The following SORBS3 variants were observed in gnomAD, a reference collection of about 807,000 sequenced individuals.
SORBS3 encodes vinexin.
In SORBS3, 69 loss-of-function variants were observed where a neutral mutation model predicts 98.0. That is an observed-to-expected ratio of 0.70 (90% CI 0.58 to 0.86). The LOEUF (loss-of-function observed/expected upper bound fraction) is 0.86. Ranked by LOEUF, SORBS3 falls within the 40% of genes least tolerant of loss-of-function variation. The probability of loss-of-function intolerance (pLI) is 0.00; values close to 1 mark genes in which losing one functional copy is unlikely to be tolerated. For synonymous variants in SORBS3, 394 were observed against 355.4 expected, an observed-to-expected ratio of 1.11 and a Z score of -1.22; for missense variants, 954 against 908.5, an observed-to-expected ratio of 1.05 and a Z score of -0.64.
chr8:22,562,734 C>G (rs1159539794), intron 7 of SORBS3, among the ~76,000 whole-genome samples: 1 of 152,128 alleles, frequency 6.6e-6, no homozygotes, highest in African/African-American at 2.4e-5. Flanking sequence ...GTGGTAATGC[C>G]CAGAGGGTTC....
At position 22,556,709 on chromosome 8, in the gene SORBS3, C is replaced by T. The variant is rs1447380786; in HGVS notation, c.221-6C>T. ...TCACTAATGCTCTCCTGCACGCACC[C>T]AACAGACCCTGCGTGGTATCAGACC... On this transcript the variant is annotated splice_polypyrimidine_tract_variant and splice_region_variant and intron_variant, in intron 3 of 20. Coordinates refer to ENST00000240123, the MANE Select transcript of SORBS3 (RefSeq NM_005775.5). The T allele has an allele frequency of 2.5e-6, 4 of 1,613,616 alleles. No homozygotes were observed. The South Asian group carries it at 4.4e-5, about 18-fold the overall frequency.
In SORBS3 at chr8:22,564,364, C is replaced by A. The variant is rs1840359662; in HGVS notation, c.757C>A (p.Gln253Lys). 3 of 1,614,000 alleles carry A rather than the reference C, an allele frequency of 1.9e-6. No individual in the cohort carries two copies. Among genetic ancestry groups the A allele is most frequent in the South Asian group, 2.2e-5 (2 of 91,076 alleles). Residue 253 changes from glutamine to lysine, a missense_variant, in exon 9 of 21, where the codon CAG becomes AAG. By Grantham distance (53) the Gln-to-Lys change is moderately conservative (BLOSUM62 1). Transcript: ENST00000240123. ...NQFLQELETG[Q>K]RPKKPLVDDP... Reference sequence around the variant, plus strand: ...GTTTCTGCAGGAACTAGAGACTGGGCAGAGGGTGAGTGCTGGCTGGCTCTC... The same window carrying A: ...GTTTCTGCAGGAACTAGAGACTGGGAAGAGGGTGAGTGCTGGCTGGCTCTC...
Position 22,574,618 on chromosome 8 carries a change from C to T in SORBS3, c.1955-49C>T, listed in dbSNP as rs184064542. The T allele has an allele frequency of 3.9e-4, 615 of 1,592,946 alleles. 1 individual carries two copies. The highest frequency in any genetic ancestry group is 4.7e-4 in the Non-Finnish European group (541 of 1,162,486). On this transcript the variant is annotated intron_variant, in intron 20 of 20. Coordinates refer to ENST00000240123, the MANE Select transcript of SORBS3 (RefSeq NM_005775.5). ...GGGGCAGGCCCTCACCCCTGCATCC[C>T]TGTTAAAGAAGGGAGTGGGGAAAGC...
At chr8:22,557,703 C>T (rs1293135386) in intron 4 of SORBS3, among the ~76,000 whole-genome samples, 1 of 152,084 alleles carries the variant, frequency 6.6e-6, no homozygotes, top group East Asian at 1.9e-4. Context: ...GTTCCAGCTA[C>T]TCAGGAGGCT....
intron 13 of SORBS3, 55 bp from the exon 14 acceptor site, chr8:22,566,606 G>A: frequency 6.3e-7 from 1 of 1,579,694 alleles, no homozygotes; most frequent in Non-Finnish European, 8.6e-7. Context: ...AGGTGGGGGT[G>A]CAACCCCATC....
chr8:22,556,932 G>T (rs757566910), intron 4 of SORBS3, 24 bp downstream of exon 4: 1 of 1,609,350 alleles, frequency 6.2e-7, no homozygotes, highest in African/African-American at 1.3e-5. Flanking sequence ...TGGGGGCCAC[G>T]GAGAGATGGG....
chr8:22,561,555 C>A (rs1259230813), intron 6 of SORBS3, 182 bp downstream of exon 6: 5 of 669,532 alleles, frequency 7.5e-6, no homozygotes, highest in East Asian at 5.5e-5. Flanking sequence ...TAATTAACAG[C>A]CTCAGCTTGC....
chr8:22,565,298 A>G lies in SORBS3; in HGVS notation c.847A>G (p.Ser283Gly). The change falls in exon 11 of 21, where the codon AGC becomes GGC. Residue 283 changes from serine to glycine, a missense_variant. Ser to Gly is a moderately conservative substitution (Grantham distance 56, BLOSUM62 0). Coordinates refer to ENST00000240123, the MANE Select transcript of SORBS3 (RefSeq NM_005775.5). ...VLLERELAEL[S>G]AELDKDLRAI... ...GCTGGAGAGAGAGCTGGCCGAGCTG[A>G]GCGCCGAGCTGGACAAGGACCTGCG... 6.4e-7 allele frequency: 1 copy of G among 1,557,938 alleles called. No individual in the cohort carries two copies. The highest frequency in any genetic ancestry group is 2.4e-5 in the East Asian group (1 of 41,488).
chr8:22,560,078 G>C (rs922402648), intron 5 of SORBS3, among the ~76,000 whole-genome samples: 3 of 151,222 alleles, frequency 2.0e-5, no homozygotes, highest in Admixed American at 2.0e-4. Context: ...AAAAAGAAGA[G>C]AGAGATTTTG....
In SORBS3 at chr8:22,561,935, AG is replaced by A. The variant is rs1259635198; in HGVS notation, c.584+5del. On this transcript the variant is annotated splice_donor_5th_base_variant and intron_variant, in intron 7 of 20. Coordinates refer to ENST00000240123, the MANE Select transcript of SORBS3 (RefSeq NM_005775.5). ...GCCCGGCAACATCTTCCAGTGGGTGAGCACAGTGGGGCGGGGCCGAGGGCTG... is the reference window on the plus strand; with the variant it reads ...GCCCGGCAACATCTTCCAGTGGGTGACACAGTGGGGCGGGGCCGAGGGCTG... 1 of 1,613,602 alleles carries A rather than the reference AG, an allele frequency of 6.2e-7. No homozygotes were observed. The highest frequency in any genetic ancestry group is 8.5e-7 in the Non-Finnish European group (1 of 1,179,792).
intron 7 of SORBS3, among the ~76,000 whole-genome samples, chr8:22,563,024 T>C (rs111813708): frequency 0.098 from 14,919 of 151,516 alleles, 942 homozygotes; most frequent in African/African-American, 0.18. Flanking sequence ...GAGGCTGAGG[T>C]AGGAGAATGG....
intron 17 of SORBS3, among the ~76,000 whole-genome samples, chr8:22,570,357 A>G (rs1840541427): frequency 6.6e-6 from 1 of 152,064 alleles, no homozygotes; most frequent in Non-Finnish European, 1.5e-5. Flanking sequence ...TGTCCTGGGG[A>G]GTGTGTTTTT....
In SORBS3 at chr8:22,564,277, A is replaced by C; in HGVS notation, c.676-6A>C. On this transcript the variant is annotated splice_region_variant and splice_polypyrimidine_tract_variant and intron_variant, in intron 8 of 20. Transcript: ENST00000240123. ...CACAAGCTGACACCCACCCACCTCC[A>C]CGCAGGTGCTCAGACGCCGGGAAAA... The C allele has an allele frequency of 6.3e-7, 1 of 1,583,028 alleles. No individual in the cohort carries two copies. The highest frequency in any genetic ancestry group is 1.3e-5 in the African/African-American group (1 of 74,224).
In SORBS3 at chr8:22,554,824, GCTGGGCCCTGAGCTGCCGCTC is replaced by G; in HGVS notation, c.103-34_103-14del. On this transcript the variant is annotated intron_variant, in intron 2 of 20. Transcript: ENST00000240123. The surrounding 1 kb of genome is among the most constrained non-coding windows in gnomAD (Gnocchi z 6.5). ...AGTAGCCATCCCTCCCTCCCGCCCTGCTGGGCCCTGAGCTGCCGCTCCTGGCCCCTCCCCGCAGGTGCCCGT... is the reference window on the plus strand; with the variant it reads ...AGTAGCCATCCCTCCCTCCCGCCCTGCTGGCCCCTCCCCGCAGGTGCCCGT... 1 of 1,467,584 alleles carries G rather than the reference GCTGGGCCCTGAGCTGCCGCTC, an allele frequency of 6.8e-7. No individual in the cohort carries two copies. The highest frequency in any genetic ancestry group is 9.5e-7 in the Non-Finnish European group (1 of 1,050,282). 90.9% of individuals were successfully genotyped at this position (1,467,584 alleles called of 1,614,324 possible). A position where few individuals can be genotyped will look rare whatever the true frequency, so the allele number is the denominator to read the frequency against.
At chr8:22,574,591 A>C in intron 20 of SORBS3, 76 bp from the exon 21 acceptor site, 1 of 1,440,536 alleles carries the variant, frequency 6.9e-7, no homozygotes, top group Non-Finnish European at 9.6e-7. Context: ...CACTGCCGGC[A>C]GGGGGCAGGC....
At chr8:22,555,591 T>C (rs1840168171) in intron 3 of SORBS3, among the ~76,000 whole-genome samples, 1 of 150,688 alleles carries the variant, frequency 6.6e-6, no homozygotes, top group Non-Finnish European at 1.5e-5. Flanking sequence ...ACCCTGTCAC[T>C]TAAAACACAC....
At chr8:22,551,259 G>C (rs1330930294), upstream of SORBS3, among the ~76,000 whole-genome samples, 1 of 152,182 alleles carries the variant, frequency 6.6e-6, no homozygotes, top group Non-Finnish European at 1.5e-5. The surrounding 1 kb of genome is among the most constrained non-coding windows in gnomAD (Gnocchi z 5.8). Flanking sequence ...GCGCGTGTTT[G>C]TTTGCACACG....
chr8:22,565,205 G>T, intron 10 of SORBS3, 63 bp from the exon 11 acceptor site: 2 of 1,491,350 alleles, frequency 1.3e-6, no homozygotes, highest in South Asian at 1.2e-5. Flanking sequence ...GTCGATCTTT[G>T]ACCGCTGCCT....
intron 12 of SORBS3, 176 bp downstream of exon 12, chr8:22,566,048 G>C: frequency 5.3e-6 from 3 of 565,018 alleles, no homozygotes; most frequent in Non-Finnish European, 5.3e-6. Context: ...CGCCGTTCCC[G>C]CGCCACCGAG....
Sources: allele counts gnomAD v4.1 joint callset (sites outside exome capture counted in the v4.1 genomes callset), GRCh38; gene constraint gnomAD v4.1.1; non-coding constraint Gnocchi (gnomAD v3.1); transcripts MANE v1.5; gene names NCBI Gene and HGNC (gene_info 2026-07-23, HGNC 2026-07-21).